Variants in ZMYM2 observed in about 807,000 individuals in gnomAD.
ZMYM2 encodes zinc finger MYM-type containing 2.
ZMYM2 carries 56 observed loss-of-function variants against 162.8 expected under a neutral mutation model. That is an observed-to-expected ratio of 0.34 (90% confidence interval 0.28 to 0.43). The LOEUF (loss-of-function observed/expected upper bound fraction) is 0.43. Ranked by LOEUF, ZMYM2 falls within the 20% of genes least tolerant of loss-of-function variation. The pLI is 1.00. For missense variants in ZMYM2, 1,275 were observed against 1,621.8 expected, an observed-to-expected ratio of 0.79 and a Z score of 3.67; for synonymous variants, 510 against 541.6, an observed-to-expected ratio of 0.94 and a Z score of 0.81.
In ZMYM2 at chr13:20,061,367, A is replaced by AC; in HGVS notation, c.2911+143_2911+144insC. ...GCATTGTAACAAAAATGTTTTTTAT[A>AC]TTAAGAGATCTACACTGTATTTAGC... On this transcript the variant is annotated intron_variant, in intron 17 of 24. Transcript: ENST00000610343. 8.4e-6 allele frequency: 6 copies of AC among 715,330 alleles called. No individual in the cohort carries two copies. The South Asian group carries it at 8.9e-5, about 11-fold the overall frequency. 44.3% of individuals were successfully genotyped at this position (715,330 alleles called of 1,614,324 possible).
At chr13:20,049,122 C>G (rs1955082225) in intron 12 of ZMYM2, among the ~76,000 whole-genome samples, 1 of 151,700 alleles carries the variant, frequency 6.6e-6, no homozygotes, top group Admixed American at 6.6e-5. Context: ...TTCACAACCT[C>G]CAAAATTTTG....
intron 6 of ZMYM2, among the ~76,000 whole-genome samples, chr13:20,010,361 A>G (rs1403349758): frequency 6.6e-6 from 1 of 151,722 alleles, no homozygotes; most frequent in African/African-American, 2.4e-5. Flanking sequence ...ACGCCTGTCT[A>G]ATTTTTTGTA....
chr13:19,941,511 T>C, the ZMYM2 span, among the ~76,000 whole-genome samples: 3 of 152,140 alleles, frequency 2.0e-5, no homozygotes, highest in Admixed American at 2.0e-4. Context: ...AGTAAAGACA[T>C]TACTTGATTG....
chr13:20,075,640 T>C (rs1198193251), intron 21 of ZMYM2, among the ~76,000 whole-genome samples: 1 of 149,508 alleles, frequency 6.7e-6, no homozygotes, highest in Non-Finnish European at 1.5e-5. Flanking sequence ...TCCGTCATAC[T>C]AAATTTATTA....
intron 3 of ZMYM2, among the ~76,000 whole-genome samples, chr13:19,997,226 T>C (rs538882609): frequency 2.0e-5 from 3 of 152,324 alleles, no homozygotes; most frequent in Admixed American, 2.0e-4. Flanking sequence ...ACACAATGGG[T>C]ATTGATGTAA....
intron 6 of ZMYM2, among the ~76,000 whole-genome samples, chr13:20,010,808 T>C (rs1411004957): frequency 7.9e-6 from 1 of 127,176 alleles, no homozygotes; most frequent in Non-Finnish European, 1.6e-5. Flanking sequence ...ACCTGGCTAA[T>C]TTTTGTATTT....
At chr13:19,998,576 T>C (rs1023904053) in intron 3 of ZMYM2, among the ~76,000 whole-genome samples, 2 of 152,224 alleles carry the variant, frequency 1.3e-5, no homozygotes. Flanking sequence ...TCTTTCTCGT[T>C]GATTAGATTT....
chr13:20,064,129 T>C (rs778393324), intron 18 of ZMYM2, among the ~76,000 whole-genome samples: 3 of 151,798 alleles, frequency 2.0e-5, no homozygotes, highest in Non-Finnish European at 2.9e-5. Flanking sequence ...GAAAAAACAT[T>C]TAATAGATTG....
At chr13:19,938,520 T>C in the ZMYM2 span, among the ~76,000 whole-genome samples, 1 of 152,022 alleles carries the variant, frequency 6.6e-6, no homozygotes, top group African/African-American at 2.4e-5. Context: ...AGTAAATAAG[T>C]ATTTGGATTC....
intron 14 of ZMYM2, among the ~76,000 whole-genome samples, chr13:20,057,400 A>C (rs1440535648): frequency 1.3e-5 from 2 of 152,034 alleles, no homozygotes; most frequent in East Asian, 3.9e-4. Context: ...GGCCTCCCAG[A>C]GTTCTGGGAT....
At chr13:19,866,080 G>A in the ZMYM2 span, among the ~76,000 whole-genome samples, 4 of 150,760 alleles carry the variant, frequency 2.7e-5, no homozygotes, top group East Asian at 7.8e-4. Context: ...GAATTGGCCG[G>A]GCACAATGGC....
intron 18 of ZMYM2, 124 bp from the exon 19 acceptor site, chr13:20,064,327 G>A: frequency 3.0e-6 from 2 of 661,744 alleles, no homozygotes; most frequent in Non-Finnish European, 4.7e-6. Context: ...TTACTCCCCA[G>A]CCCAGCCTAG....
intron 12 of ZMYM2, among the ~76,000 whole-genome samples, chr13:20,043,902 T>C (rs1322617999): frequency 6.6e-6 from 1 of 151,990 alleles, no homozygotes. Flanking sequence ...GCCACCCCAC[T>C]GGGGGTCTCC....
At chr13:19,999,083 A>G (rs1283524396) in intron 3 of ZMYM2, among the ~76,000 whole-genome samples, 1 of 152,224 alleles carries the variant, frequency 6.6e-6, no homozygotes, top group Non-Finnish European at 1.5e-5. Context: ...AAAGAAGCTT[A>G]GCACAAAAGA....
intron 6 of ZMYM2, among the ~76,000 whole-genome samples, chr13:20,012,765 C>T (rs1026551458): frequency 2.6e-5 from 4 of 152,266 alleles, no homozygotes; most frequent in African/African-American, 9.6e-5. Flanking sequence ...GGACTTATCA[C>T]ACTTGTCAAA....
chr13:20,054,100 A>G (rs1214710094), intron 14 of ZMYM2, among the ~76,000 whole-genome samples: 3 of 152,226 alleles, frequency 2.0e-5, no homozygotes, highest in Non-Finnish European at 4.4e-5. Context: ...GCCTTTTGTC[A>G]TATAAAGTCC....
the ZMYM2 span, among the ~76,000 whole-genome samples, chr13:19,917,164 G>T: frequency 1.3e-5 from 2 of 151,866 alleles, no homozygotes; most frequent in Non-Finnish European, 2.9e-5. Context: ...GGGTTTCACT[G>T]TGTTAGCCAG....
intron 3 of ZMYM2, among the ~76,000 whole-genome samples, chr13:19,994,365 T>C (rs781557827): frequency 2.0e-5 from 3 of 152,208 alleles, no homozygotes; most frequent in South Asian, 2.1e-4. Flanking sequence ...TAATTTAATA[T>C]CTTGTTTGTC....
rs1260306389 is a variant in ZMYM2 at position 20,087,753 on chromosome 13, G to C, written c.*1739G>C. On this transcript the variant is annotated 3_prime_UTR_variant, in exon 25 of 25. Coordinates refer to ENST00000610343, the MANE Select transcript of ZMYM2 (RefSeq NM_197968.4). Reference sequence around the variant, plus strand: ...TATATTGTTGAGTGATAATCAGACTGATAGTAGCAAATCTGATCATACATT... The same window carrying C: ...TATATTGTTGAGTGATAATCAGACTCATAGTAGCAAATCTGATCATACATT... 1.1e-5 allele frequency: 2 copies of C among 186,320 alleles called. No individual in the cohort carries two copies. Among genetic ancestry groups the C allele is most frequent in the East Asian group, 1.7e-4 (2 of 11,556 alleles). The allele number at this position is 186,320 out of a possible 1,614,324, so 11.5% of individuals were successfully genotyped here. A position where few individuals can be genotyped will look rare whatever the true frequency, so the allele number is the denominator to read the frequency against.
Sources: gnomAD v4.1 joint callset for allele counts (sites outside exome capture counted in the v4.1 genomes callset) on GRCh38, gnomAD v4.1.1 for gene constraint, MANE v1.5 for transcripts, NCBI Gene and HGNC (gene_info 2026-07-23, HGNC 2026-07-21) for gene names.